Variants in SLIT3 observed in about 807,000 individuals in gnomAD.
SLIT3 encodes slit homolog 3 protein.
In SLIT3, 68 loss-of-function variants were observed where a neutral mutation model predicts 184.0. The observed-to-expected ratio is 0.37, with a 90% CI of 0.30 to 0.45. The LOEUF (loss-of-function observed/expected upper bound fraction) is 0.45. Ranked by LOEUF, SLIT3 falls within the 20% of genes least tolerant of loss-of-function variation. The pLI, the probability that SLIT3 is intolerant of heterozygous loss-of-function variation, is 1.00. For synonymous variants in SLIT3, 831 were observed against 828.6 expected, an observed-to-expected ratio of 1.00 and a Z score of -0.05; for missense variants, 1,707 against 2,026.0, an observed-to-expected ratio of 0.84 and a Z score of 3.02.
rs928597822 is a variant in SLIT3, at chr5:168,665,852, T to G, written c.*602A>C. 1.8e-4 allele frequency: 27 copies of G among 152,260 alleles called. No individual in the cohort carries two copies. Among genetic ancestry groups the G allele is most frequent in the African/African-American group, 5.5e-4 (23 of 41,492 alleles). The allele number at this position is 152,260 out of a possible 1,614,324, so 9.4% of individuals were successfully genotyped here. ...ACTGAGAAGGCCAGGGCTCAGCAGCTTTTCCTGGAAGAACTGGGCATTTTG... is the reference window on the plus strand; with the variant it reads ...ACTGAGAAGGCCAGGGCTCAGCAGCGTTTCCTGGAAGAACTGGGCATTTTG... On this transcript the variant is annotated 3_prime_UTR_variant, in exon 36 of 36. Transcript: ENST00000519560.
chr5:169,143,288 A>T lies in SLIT3; in HGVS notation c.413+50191T>A, dbSNP rs185683311. 9.2e-5 allele frequency among the ~76,000 whole-genome samples: 14 copies of T among 152,282 alleles called. No individual in the cohort carries two copies. The East Asian group carries it at 2.5e-3, about 27-fold the overall frequency. ...ACAGTTTGCTAAGGGCATTCCATGG[A>T]ATGTCATTTAATCCAAACACCACCA... is the stretch of plus-strand genomic sequence containing the variant. On this transcript the variant is annotated intron_variant, in intron 4 of 35. Transcript: ENST00000519560.
chr5:168,874,501 C>T (rs143851385), intron 5 of SLIT3, among the ~76,000 whole-genome samples: 66 of 152,312 alleles, frequency 4.3e-4, no homozygotes, highest in Non-Finnish European at 6.9e-4. Context: ...TCTCCTTTTA[C>T]GTAACTTACA....
At chr5:168,806,083 CTT>C (rs1756946630) in intron 9 of SLIT3, among the ~76,000 whole-genome samples, 1 of 152,208 alleles carries the variant, frequency 6.6e-6, no homozygotes, top group Admixed American at 6.5e-5. Context: ...AGAGAACATA[CTT>C]TTTAGGCCTT....
chr5:169,142,753 C>A (rs1028852795), intron 4 of SLIT3, among the ~76,000 whole-genome samples: 2 of 152,334 alleles, frequency 1.3e-5, no homozygotes, highest in Middle Eastern at 6.8e-3. Context: ...TACCCCCACA[C>A]CTACTCCTCA....
At chr5:169,117,004 T>C (rs1760691479) in intron 4 of SLIT3, among the ~76,000 whole-genome samples, 1 of 152,010 alleles carries the variant, frequency 6.6e-6, no homozygotes, top group South Asian at 2.1e-4. Context: ...ACTCCCACAA[T>C]ATCCAGCAGG....
chr5:169,014,399 A>C (rs1756283614), intron 4 of SLIT3, among the ~76,000 whole-genome samples: 1 of 152,202 alleles, frequency 6.6e-6, no homozygotes, highest in Non-Finnish European at 1.5e-5. Flanking sequence ...GAGCCAGGAA[A>C]CCTGAAGTAC....
intron 10 of SLIT3, chr5:168,790,550 T>C (rs1198644945): frequency 6.6e-6 from 1 of 152,170 alleles, no homozygotes; most frequent in African/African-American, 2.4e-5. Flanking sequence ...TTAGAGTCAT[T>C]AGCTCAGGGA....
chr5:169,290,391 G>A (rs76285422), intron 1 of SLIT3, among the ~76,000 whole-genome samples: 9,214 of 150,236 alleles, frequency 0.061, 420 homozygotes, highest in Admixed American at 0.17. Flanking sequence ...ACACGCTAGG[G>A]CATATACTAG....
intron 4 of SLIT3, among the ~76,000 whole-genome samples, chr5:169,174,363 T>C (rs1479271540): frequency 1.3e-5 from 2 of 152,066 alleles, no homozygotes; most frequent in South Asian, 2.1e-4. Context: ...ATTCCTAGAG[T>C]TTCTTTCCAG....
chr5:168,824,404 C>T (rs895479837), intron 6 of SLIT3, among the ~76,000 whole-genome samples: 8 of 152,184 alleles, frequency 5.3e-5, no homozygotes, highest in African/African-American at 1.9e-4. Context: ...ATGAACCAGA[C>T]TGAAATGAGG....
intron 3 of SLIT3, among the ~76,000 whole-genome samples, chr5:169,219,790 A>C (rs1047453865): frequency 6.6e-6 from 1 of 152,144 alleles, no homozygotes; most frequent in African/African-American, 2.4e-5. Context: ...GCAGTTTATC[A>C]CCCAAGTATA....
intron 27 of SLIT3, among the ~76,000 whole-genome samples, chr5:168,698,560 G>T (rs1416670746): frequency 6.6e-6 from 1 of 152,226 alleles, no homozygotes; most frequent in Admixed American, 6.5e-5. Context: ...ACCTTGATTT[G>T]GAACTTCTAT....
At chr5:168,955,047 C>G (rs1187071489) in intron 4 of SLIT3, among the ~76,000 whole-genome samples, 1 of 145,984 alleles carries the variant, frequency 6.9e-6, no homozygotes, top group African/African-American at 2.6e-5. Context: ...CCTGGCTACA[C>G]AGCCCAGGCC....
chr5:168,916,363 T>C (rs936345359), intron 4 of SLIT3, among the ~76,000 whole-genome samples: 2 of 152,244 alleles, frequency 1.3e-5, no homozygotes, highest in Non-Finnish European at 2.9e-5. Context: ...TGGGAGAACC[T>C]GCAGCTGTGG....
At position 168,688,396 on chromosome 5, in the gene SLIT3, G is replaced by A. The variant is rs78350426; in HGVS notation, c.3177-1280C>T. 3.4e-4 allele frequency among the ~76,000 whole-genome samples: 51 copies of A among 152,236 alleles called. No individual in the cohort carries two copies. The East Asian group carries it at 7.2e-3, about 21-fold the overall frequency. The stretch of plus-strand genomic sequence containing the variant: ...ATAAGCAGCCCCACGGAAGAATCAG[G>A]GCAAAGGGATGGTTCTCCCTCATCC... On this transcript the variant is annotated intron_variant, in intron 29 of 35. Coordinates refer to ENST00000519560, the MANE Select transcript of SLIT3 (RefSeq NM_003062.4).
At chr5:169,007,114 G>T (rs1336704565) in intron 4 of SLIT3, among the ~76,000 whole-genome samples, 1 of 152,138 alleles carries the variant, frequency 6.6e-6, no homozygotes, top group Non-Finnish European at 1.5e-5. Flanking sequence ...AAAGCTGATG[G>T]TTTTATAGGG....
chr5:169,137,170 A>C (rs1315528926), intron 4 of SLIT3, among the ~76,000 whole-genome samples: 4 of 152,174 alleles, frequency 2.6e-5, no homozygotes, highest in East Asian at 3.9e-4. Context: ...TTTCAAAAGC[A>C]CAGGAACCTA....
intron 4 of SLIT3, among the ~76,000 whole-genome samples, chr5:169,166,446 C>T (rs927064816): frequency 6.6e-6 from 1 of 151,950 alleles, no homozygotes; most frequent in East Asian, 1.9e-4. Flanking sequence ...GCAGAAACAG[C>T]GAGAGTCCCA....
At chr5:168,741,584 T>G (rs971634824) in intron 20 of SLIT3, among the ~76,000 whole-genome samples, 5 of 151,226 alleles carry the variant, frequency 3.3e-5, no homozygotes, top group Non-Finnish European at 7.4e-5. Context: ...AAACAGTGAA[T>G]GAGACACAAT....
Sources: allele counts gnomAD v4.1 joint callset (sites outside exome capture counted in the v4.1 genomes callset), GRCh38; gene constraint gnomAD v4.1.1; transcripts MANE v1.5; gene names NCBI Gene and HGNC (gene_info 2026-07-23, HGNC 2026-07-21).